C2orf74: variants seen among roughly 807,000 people sequenced by gnomAD.
The protein encoded by C2orf74 is DPM1 ER membrane anchor 1, also known as uncharacterized protein C2orf74.
Under a neutral mutation model 17.9 loss-of-function variants are expected in C2orf74, and 14 were observed. The ratio of observed to expected loss-of-function variants is 0.78; its 90% CI spans 0.52 to 1.22. The LOEUF (loss-of-function observed/expected upper bound fraction) is 1.22, where lower values mean the gene tolerates loss of function less well. C2orf74 is among the 50% of genes most tolerant of loss of function. C2orf74 has a pLI of 0.00. For missense variants in C2orf74, 217 were observed against 218.4 expected (o/e 0.99, Z 0.04); for synonymous variants, 79 against 72.6 (o/e 1.09, Z -0.44).
chr2:61,148,826 C>T (rs1442028337), intron 1 of C2orf74, among the ~76,000 whole-genome samples: 1 of 152,164 alleles, frequency 6.6e-6, no homozygotes, highest in Non-Finnish European at 1.5e-5. Context: ...AAGCGATTCT[C>T]CTGCCTCAGC....
At chr2:61,162,386 G>C in intron 1 of C2orf74, 30 bp from the exon 2 acceptor site, 1 of 717,386 alleles carries the variant, frequency 1.4e-6, no homozygotes, top group Non-Finnish European at 2.3e-6. Context: ...GAACAACAAA[G>C]AAAACAGCTT....
At chr2:61,162,764 A>C (rs1559190382) in intron 2 of C2orf74, 78 bp from the exon 3 acceptor site, 13 of 1,234,192 alleles carry the variant, frequency 1.1e-5, no homozygotes, top group Non-Finnish European at 1.4e-5. Context: ...TATCCTGTTT[A>C]AACGTGAAGT....
chr2:61,151,926 G>C (rs1472337508), intron 1 of C2orf74: 1 of 152,360 alleles, frequency 6.6e-6, no homozygotes, highest in Non-Finnish European at 1.5e-5. Flanking sequence ...TTGTGGCAAA[G>C]GCCACCCTGC....
chr2:61,158,065 C>T, upstream of C2orf74: 2 of 460,410 alleles, frequency 4.3e-6, no homozygotes, highest in Non-Finnish European at 4.5e-6. Flanking sequence ...AATATCTGAC[C>T]CCAACATGGC....
At chr2:61,145,635 C>G (rs1685046997) in intron 1 of C2orf74, among the ~76,000 whole-genome samples, 1 of 152,142 alleles carries the variant, frequency 6.6e-6, no homozygotes, top group Admixed American at 6.5e-5. Context: ...GTTGGCCAGG[C>G]TGGTCTCGAA....
chr2:61,154,807 T>C (rs1685345741), intron 1 of C2orf74, among the ~76,000 whole-genome samples: 1 of 151,894 alleles, frequency 6.6e-6, no homozygotes, highest in South Asian at 2.1e-4. Flanking sequence ...ATGATCCCAG[T>C]ACTTTGGGAG....
rs1280247134 is a variant in C2orf74 at position 61,164,552 on chromosome 2, A to T, written c.*25A>T. 2 of 1,463,354 alleles carry T rather than the reference A, an allele frequency of 1.4e-6. No individual in the cohort carries two copies. The highest frequency in any genetic ancestry group is 2.9e-5 in the African/African-American group (2 of 69,510). The allele number at this position is 1,463,354 out of a possible 1,614,324, so 90.6% of individuals were successfully genotyped here. A position where few individuals can be genotyped will look rare whatever the true frequency, so the allele number is the denominator to read the frequency against. On this transcript the variant is annotated 3_prime_UTR_variant, in exon 5 of 5. Coordinates refer to ENST00000432605, the MANE Select transcript of C2orf74 (RefSeq NM_001143959.4). ...AAGCTCAAAAAAGGGTAAGAGTGAAAGAAAATGTAACGTTTGACTAACGTT... is the reference window on the plus strand; with the variant it reads ...AAGCTCAAAAAAGGGTAAGAGTGAATGAAAATGTAACGTTTGACTAACGTT...
chr2:61,150,672 C>T (rs1020714314), intron 1 of C2orf74, among the ~76,000 whole-genome samples: 3 of 152,142 alleles, frequency 2.0e-5, no homozygotes, highest in Non-Finnish European at 2.9e-5. Context: ...AGGCGCTGCA[C>T]ACCACATAGG....
chr2:61,150,904 G>T (rs1245203775), intron 1 of C2orf74, among the ~76,000 whole-genome samples: 1 of 152,194 alleles, frequency 6.6e-6, no homozygotes, highest in Non-Finnish European at 1.5e-5. Context: ...GCCAGATGGA[G>T]TAGACTTGGC....
upstream of C2orf74, chr2:61,162,047 A>G (rs920684857): frequency 6.2e-6 from 1 of 161,346 alleles, no homozygotes; most frequent in African/African-American, 2.4e-5. Flanking sequence ...ACGAACAGGC[A>G]ACAGCCTCGT....
chr2:61,152,974 G>C (rs1488288512), intron 1 of C2orf74, among the ~76,000 whole-genome samples: 1 of 151,102 alleles, frequency 6.6e-6, no homozygotes, highest in African/African-American at 2.4e-5. Context: ...TCAACATGGA[G>C]AAACCCCGTC....
At chr2:61,154,298 A>T (rs372505599) in intron 1 of C2orf74, among the ~76,000 whole-genome samples, 1 of 152,150 alleles carries the variant, frequency 6.6e-6, no homozygotes, top group Admixed American at 6.6e-5. Flanking sequence ...ATCATCCTAC[A>T]GTATACTTGA....
intron 1 of C2orf74, chr2:61,151,905 G>A (rs1685238359): frequency 6.6e-6 from 1 of 152,384 alleles, no homozygotes; most frequent in African/African-American, 2.4e-5. Flanking sequence ...CACAAATTCA[G>A]TCCAGGTACA....
Position 61,152,466 on chromosome 2 carries a change from G to A in C2orf74, c.-122+7270G>A, listed in dbSNP as rs544253357. 8.6e-5 allele frequency among the ~76,000 whole-genome samples: 13 copies of A among 151,900 alleles called. No homozygotes were observed. In the South Asian group the frequency reaches 2.1e-3, roughly 24 times the overall value. The stretch of plus-strand genomic sequence containing the variant: ...TGAGGCAGGAGAATGGCGTGAACCC[G>A]GGAGGCGGAGCTTGCAGTGAGCCGA... On this transcript the variant is annotated intron_variant, in intron 1 of 3. Transcript: ENST00000426997.
intron 1 of C2orf74, chr2:61,151,369 A>G (rs1685223559): frequency 6.7e-6 from 1 of 148,252 alleles, no homozygotes; most frequent in African/African-American, 2.5e-5. Context: ...AAATCAAAAT[A>G]TATAAATACA....
intron 1 of C2orf74, among the ~76,000 whole-genome samples, chr2:61,156,620 A>G (rs1685398977): frequency 6.6e-6 from 1 of 152,208 alleles, no homozygotes; most frequent in African/African-American, 2.4e-5. Context: ...GTGGTGGCTC[A>G]TGCCTGTAAT....
chr2:61,158,221 T>A (rs1000240948), upstream of C2orf74, among the ~76,000 whole-genome samples: 1 of 152,194 alleles, frequency 6.6e-6, no homozygotes, highest in Admixed American at 6.5e-5. Flanking sequence ...TGAGAGTTAC[T>A]ATCAGGCATT....
intron 1 of C2orf74, among the ~76,000 whole-genome samples, chr2:61,149,982 G>C (rs892765242): frequency 6.6e-6 from 1 of 152,148 alleles, no homozygotes; most frequent in African/African-American, 2.4e-5. Context: ...TCTACTTCTT[G>C]TCCCTGTTTG....
upstream of C2orf74, among the ~76,000 whole-genome samples, chr2:61,158,992 T>C (rs957652204): frequency 4.0e-5 from 6 of 150,944 alleles, no homozygotes; most frequent in African/African-American, 1.5e-4. Context: ...TGTTTGTTTG[T>C]TTGTTTGTTT....
Sources: allele counts gnomAD v4.1 joint callset (sites outside exome capture counted in the v4.1 genomes callset), GRCh38; gene constraint gnomAD v4.1.1; transcripts MANE v1.5; gene names NCBI Gene and HGNC (gene_info 2026-07-23, HGNC 2026-07-21).